The following BIRC2 variants were observed in gnomAD, a reference collection of about 807,000 sequenced individuals.
The protein encoded by BIRC2 is baculoviral IAP repeat containing 2, also known as baculoviral IAP repeat-containing protein 2.
A neutral mutation model predicts 60.9 loss-of-function variants in BIRC2; 18 were observed. That is an observed-to-expected ratio of 0.30 (90% CI 0.20 to 0.44). The LOEUF is 0.44. Among genes scored for constraint, BIRC2 ranks in the 20% least tolerant of loss-of-function variants. The pLI is 1.00. For synonymous variants in BIRC2, 282 were observed against 247.7 expected (o/e 1.14, Z -1.30); for missense variants, 701 against 728.5 (o/e 0.96, Z 0.43).
At chr11:102,365,799 C>T (rs553088913) in intron 5 of BIRC2, among the ~76,000 whole-genome samples, 2 of 151,986 alleles carry the variant, frequency 1.3e-5, no homozygotes, top group Middle Eastern at 6.8e-3. Context: ...CACCATGTTG[C>T]CCAGGCTGGT....
At chr11:102,361,024 T>A (rs982751793) in intron 3 of BIRC2, among the ~76,000 whole-genome samples, 1 of 152,134 alleles carries the variant, frequency 6.6e-6, no homozygotes, top group African/African-American at 2.4e-5. Flanking sequence ...GCTGGGGACC[T>A]CTTCATCACT....
intron 5 of BIRC2, among the ~76,000 whole-genome samples, chr11:102,364,186 CAG>C (rs56992401): frequency 0.047 from 4,694 of 98,938 alleles, 173 homozygotes; most frequent in African/African-American, 0.11. Context: ...CACACACACA[CAG>C]AGAGAGAGAG....
intron 5 of BIRC2, 42 bp downstream of exon 5, chr11:102,363,758 T>A: frequency 6.5e-7 from 1 of 1,539,994 alleles, no homozygotes; most frequent in Non-Finnish European, 8.9e-7. Flanking sequence ...TAAATTTTTA[T>A]AAGAATTTTA....
intron 6 of BIRC2, among the ~76,000 whole-genome samples, chr11:102,373,813 C>T (rs904741054): frequency 2.2e-4 from 33 of 151,722 alleles, no homozygotes; most frequent in African/African-American, 7.3e-4. Context: ...ACCAATCAGA[C>T]GTAGATTTGG....
At position 102,349,120 on chromosome 11, in the gene BIRC2, A is replaced by C. The variant is rs1180239636; in HGVS notation, c.-735A>C. On this transcript the variant is annotated 5_prime_UTR_variant, in exon 2 of 9. Transcript: ENST00000227758. ...TACAAATGATATTTAACAAAGATAG[A>C]GTTTACAGTTTTTGAACTTTAAGCC... is the stretch of plus-strand genomic sequence containing the variant. The C allele has an allele frequency of 6.6e-6, 1 of 152,608 alleles. No individual in the cohort carries two copies. Among genetic ancestry groups the C allele is most frequent in the Non-Finnish European group, 1.5e-5 (1 of 68,292 alleles). 9.5% of individuals were successfully genotyped at this position (152,608 alleles called of 1,614,324 possible). A position where few individuals can be genotyped will look rare whatever the true frequency, so the allele number is the denominator to read the frequency against.
At chr11:102,358,689 C>T (rs1168895992) in intron 3 of BIRC2, among the ~76,000 whole-genome samples, 1 of 152,170 alleles carries the variant, frequency 6.6e-6, no homozygotes, top group Non-Finnish European at 1.5e-5. Context: ...ACTGTATCCT[C>T]TTGTGGAATT....
chr11:102,375,651 A>T (rs1025695958), intron 6 of BIRC2, among the ~76,000 whole-genome samples: 1 of 152,012 alleles, frequency 6.6e-6, no homozygotes, highest in African/African-American at 2.4e-5. Flanking sequence ...ATGGTGGCGG[A>T]TGCCTGTAGT....
At chr11:102,356,985 A>G (rs1387564298) in intron 3 of BIRC2, among the ~76,000 whole-genome samples, 2 of 152,086 alleles carry the variant, frequency 1.3e-5, no homozygotes, top group Non-Finnish European at 2.9e-5. Context: ...TATGATTTTT[A>G]TCCTTCATTT....
At chr11:102,367,133 C>T (rs899204686) in intron 5 of BIRC2, among the ~76,000 whole-genome samples, 1 of 152,212 alleles carries the variant, frequency 6.6e-6, no homozygotes, top group African/African-American at 2.4e-5. Context: ...GCCAAATTCC[C>T]CTCTGATGCT....
Position 102,378,380 on chromosome 11 carries a change from G to A in BIRC2, c.*197G>A, listed in dbSNP as rs34150604. ...TAATCTTAATCTGTTTATTTACAAGGGAAGATTTATGTTTGGTGAACTATA... is the reference window on the plus strand; with the variant it reads ...TAATCTTAATCTGTTTATTTACAAGAGAAGATTTATGTTTGGTGAACTATA... On this transcript the variant is annotated 3_prime_UTR_variant, in exon 9 of 9. Coordinates refer to ENST00000227758, the MANE Select transcript of BIRC2 (RefSeq NM_001166.5). 4.0e-4 allele frequency: 193 copies of A among 478,132 alleles called. 1 individual carries two copies. The highest frequency in any genetic ancestry group is 3.5e-3 in the African/African-American group (177 of 50,080). 29.6% of individuals were successfully genotyped at this position (478,132 alleles called of 1,614,324 possible).
At chr11:102,367,729 G>A (rs1951569960) in intron 5 of BIRC2, among the ~76,000 whole-genome samples, 1 of 152,032 alleles carries the variant, frequency 6.6e-6, no homozygotes, top group African/African-American at 2.4e-5. Flanking sequence ...AAATCATACT[G>A]CCTTAATTAC....
chr11:102,372,767 T>C (rs1272095413), intron 6 of BIRC2, among the ~76,000 whole-genome samples: 34 of 125,236 alleles, frequency 2.7e-4, no homozygotes, highest in African/African-American at 9.1e-4. Context: ...GACAGTGGGG[T>C]GTTAAAGTCT....
At chr11:102,365,877 G>GC (rs1296021305) in intron 5 of BIRC2, among the ~76,000 whole-genome samples, 3 of 152,184 alleles carry the variant, frequency 2.0e-5, no homozygotes, top group Non-Finnish European at 4.4e-5. Context: ...GCAGGCATGA[G>GC]CCACTGCATT....
At chr11:102,353,687 T>C (rs965553297) in intron 3 of BIRC2, among the ~76,000 whole-genome samples, 1 of 129,350 alleles carries the variant, frequency 7.7e-6, no homozygotes, top group African/African-American at 2.5e-5. Flanking sequence ...TTCTTTTTTT[T>C]TTTTTTTTTT....
intron 5 of BIRC2, among the ~76,000 whole-genome samples, chr11:102,365,669 C>T (rs963022204): frequency 3.9e-5 from 6 of 152,168 alleles, no homozygotes; most frequent in Admixed American, 2.0e-4. Context: ...CTTAACTTCC[C>T]TGGCTCAGGT....
intron 3 of BIRC2, among the ~76,000 whole-genome samples, chr11:102,356,041 A>T (rs1419874530): frequency 6.6e-6 from 1 of 152,120 alleles, no homozygotes; most frequent in Non-Finnish European, 1.5e-5. Context: ...TGTCATCTGC[A>T]AACAGAGAGT....
At chr11:102,365,339 A>G (rs1243656600) in intron 5 of BIRC2, among the ~76,000 whole-genome samples, 1 of 152,184 alleles carries the variant, frequency 6.6e-6, no homozygotes, top group East Asian at 1.9e-4. Context: ...TAATCCTAGG[A>G]AAATTTCCAT....
intron 5 of BIRC2, among the ~76,000 whole-genome samples, chr11:102,365,457 C>A (rs1376521921): frequency 6.6e-6 from 1 of 152,232 alleles, no homozygotes; most frequent in Non-Finnish European, 1.5e-5. Flanking sequence ...CCTCACCTTT[C>A]ATTCTTTCAC....
intron 3 of BIRC2, among the ~76,000 whole-genome samples, chr11:102,361,492 C>T (rs1052949008): frequency 1.3e-5 from 2 of 152,094 alleles, no homozygotes; most frequent in East Asian, 3.8e-4. Flanking sequence ...GTGAGGAGTG[C>T]AGTAGTGTCT....
Sources: gnomAD v4.1 joint callset for allele counts (sites outside exome capture counted in the v4.1 genomes callset) on GRCh38, gnomAD v4.1.1 for gene constraint, MANE v1.5 for transcripts, NCBI Gene and HGNC (gene_info 2026-07-23, HGNC 2026-07-21) for gene names.